Variants in KPNA4 observed in about 807,000 individuals in gnomAD.
The protein encoded by KPNA4 is karyopherin subunit alpha 4.
KPNA4 carries 13 observed loss-of-function variants against 71.3 expected under a neutral mutation model. The observed-to-expected ratio is 0.18, with a 90% confidence interval of 0.12 to 0.29. KPNA4 has a LOEUF of 0.29. KPNA4 is among the 10% of genes least tolerant of loss of function. The probability of loss-of-function intolerance (pLI) is 1.00; values close to 1 mark genes in which losing one functional copy is unlikely to be tolerated. For missense variants in KPNA4, 334 were observed against 603.2 expected, an observed-to-expected ratio of 0.55 and a Z score of 4.67; for synonymous variants, 189 against 195.2, an observed-to-expected ratio of 0.97 and a Z score of 0.26.
intron 1 of KPNA4, among the ~76,000 whole-genome samples, chr3:160,540,106 TCTC>T (rs1311257345): frequency 6.6e-6 from 1 of 151,278 alleles, no homozygotes; most frequent in East Asian, 1.9e-4. Flanking sequence ...TTCAAGCAAT[TCTC>T]CTGCCTCAGC....
chr3:160,534,272 G>A (rs566756933), intron 5 of KPNA4, among the ~76,000 whole-genome samples: 1 of 152,268 alleles, frequency 6.6e-6, no homozygotes, highest in South Asian at 2.1e-4. Context: ...AACATAGGGT[G>A]TTATTCTTAT....
intron 8 of KPNA4, among the ~76,000 whole-genome samples, chr3:160,526,881 G>A (rs1344386592): frequency 6.6e-6 from 1 of 152,220 alleles, no homozygotes; most frequent in Non-Finnish European, 1.5e-5. Context: ...TCAAGATGCT[G>A]TATAATAGCT....
intron 12 of KPNA4, among the ~76,000 whole-genome samples, chr3:160,514,435 G>A (rs1002371539): frequency 6.6e-6 from 1 of 152,124 alleles, no homozygotes; most frequent in Admixed American, 6.5e-5. Context: ...CAAACAGTGT[G>A]GCTCAAAAGA....
chr3:160,524,923 C>T (rs1035795874), intron 10 of KPNA4, among the ~76,000 whole-genome samples: 2 of 152,214 alleles, frequency 1.3e-5, no homozygotes, highest in African/African-American at 4.8e-5. Flanking sequence ...AGAAATGAAG[C>T]AGCTTGTCCA....
chr3:160,542,423 T>C (rs1020968135), intron 1 of KPNA4, among the ~76,000 whole-genome samples: 1 of 152,232 alleles, frequency 6.6e-6, no homozygotes, highest in Non-Finnish European at 1.5e-5. Context: ...AGTATTTATG[T>C]TGGCAAACTG....
intron 16 of KPNA4, among the ~76,000 whole-genome samples, chr3:160,502,671 A>C (rs184208385): frequency 6.6e-6 from 1 of 152,140 alleles, no homozygotes; most frequent in African/African-American, 2.4e-5. Context: ...GTGCCTACCC[A>C]AGACTTTTTC....
At chr3:160,542,448 A>G (rs1042858959) in intron 1 of KPNA4, among the ~76,000 whole-genome samples, 1 of 152,186 alleles carries the variant, frequency 6.6e-6, no homozygotes, top group Non-Finnish European at 1.5e-5. Context: ...TAATTAGCAA[A>G]TAAATTACAT....
chr3:160,519,771 C>T (rs1290957072), intron 11 of KPNA4, among the ~76,000 whole-genome samples: 6 of 133,260 alleles, frequency 4.5e-5, no homozygotes, highest in Admixed American at 8.4e-5. Flanking sequence ...GTCCGCAGTC[C>T]GGCCTGGGCG....
intron 15 of KPNA4, among the ~76,000 whole-genome samples, chr3:160,506,400 C>A (rs1720985139): frequency 6.6e-6 from 1 of 152,112 alleles, no homozygotes; most frequent in Non-Finnish European, 1.5e-5. Flanking sequence ...GAACTTCTGG[C>A]CTCAGGTGAT....
chr3:160,509,948 T>C (rs1024745593), intron 13 of KPNA4, 77 bp from the exon 14 acceptor site: 2 of 863,454 alleles, frequency 2.3e-6, no homozygotes, highest in Non-Finnish European at 3.9e-6. Flanking sequence ...GTGATGATTT[T>C]TCAACTGCTT....
intron 7 of KPNA4, among the ~76,000 whole-genome samples, chr3:160,529,852 G>T (rs183252500): frequency 6.6e-6 from 1 of 151,924 alleles, no homozygotes; most frequent in Non-Finnish European, 1.5e-5. Flanking sequence ...TGATATGGCC[G>T]GGCGTGGTGG....
intron 13 of KPNA4, among the ~76,000 whole-genome samples, chr3:160,513,415 CA>C (rs147029085): frequency 0.052 from 7,938 of 151,900 alleles, 254 homozygotes; most frequent in Middle Eastern, 0.082. Flanking sequence ...GCTACCACAC[CA>C]AACTAATTTC....
chr3:160,513,952 TTACTA>T (rs1471884867), intron 13 of KPNA4, 120 bp downstream of exon 13: 18 of 475,642 alleles, frequency 3.8e-5, no homozygotes, highest in Middle Eastern at 3.2e-4. Flanking sequence ...TAATATTACT[TTACTA>T]TATTTATGCC....
At chr3:160,518,790 G>C (rs1721285810) in intron 11 of KPNA4, among the ~76,000 whole-genome samples, 5 of 152,006 alleles carry the variant, frequency 3.3e-5, no homozygotes, top group Admixed American at 2.6e-4. Flanking sequence ...GAACCTGGGA[G>C]GCAGAGGTTG....
intron 1 of KPNA4, among the ~76,000 whole-genome samples, chr3:160,550,824 T>C (rs961490985): frequency 6.6e-6 from 1 of 152,238 alleles, no homozygotes; most frequent in African/African-American, 2.4e-5. Flanking sequence ...GATTTTCATA[T>C]GTTGAACCAT....
At position 160,543,352 on chromosome 3, in the gene KPNA4, T is replaced by G. The variant is rs1469653269; in HGVS notation, c.70-6512A>C. 2.0e-5 allele frequency among the ~76,000 whole-genome samples: 3 copies of G among 152,226 alleles called. No homozygotes were observed. In the East Asian group the frequency reaches 5.8e-4, roughly 29 times the overall value. ...ATGCCTCAAAAACTGTATCATTTTTTTCCCCCGAGACAGAATCTCACTCTG... is the reference window on the plus strand; with the variant it reads ...ATGCCTCAAAAACTGTATCATTTTTGTCCCCCGAGACAGAATCTCACTCTG... On this transcript the variant is annotated intron_variant, in intron 1 of 16. Coordinates refer to ENST00000334256, the MANE Select transcript of KPNA4 (RefSeq NM_002268.5).
intron 15 of KPNA4, among the ~76,000 whole-genome samples, 176 bp from the exon 16 acceptor site, chr3:160,505,228 A>G (rs1197494420): frequency 6.6e-6 from 1 of 152,206 alleles, no homozygotes; most frequent in Non-Finnish European, 1.5e-5. Flanking sequence ...AAGATACAGC[A>G]TATTTATCTT....
intron 1 of KPNA4, among the ~76,000 whole-genome samples, chr3:160,537,236 A>G (rs186132407): frequency 1.1e-3 from 167 of 151,342 alleles, no homozygotes; most frequent in South Asian, 4.2e-3. Context: ...AAAAAAAGCG[A>G]AAAAAAGCCA....
intron 1 of KPNA4, among the ~76,000 whole-genome samples, chr3:160,556,789 A>C (rs749554795): frequency 1.3e-5 from 2 of 152,196 alleles, no homozygotes; most frequent in Non-Finnish European, 2.9e-5. Context: ...ATTGGGAAAA[A>C]TTATTCACAA....
Sources: allele counts gnomAD v4.1 joint callset (sites outside exome capture counted in the v4.1 genomes callset), GRCh38; gene constraint gnomAD v4.1.1; transcripts MANE v1.5; gene names NCBI Gene and HGNC (gene_info 2026-07-23, HGNC 2026-07-21).